Variants in PIP5K1B observed in about 807,000 individuals in gnomAD.
PIP5K1B encodes phosphatidylinositol-4-phosphate 5-kinase type 1 beta, also known as phosphatidylinositol 4-phosphate 5-kinase type-1 beta.
Under a neutral mutation model 67.0 loss-of-function variants are expected in PIP5K1B, and 42 were observed. The observed-to-expected ratio is 0.63, with a 90% confidence interval of 0.49 to 0.81. PIP5K1B has a LOEUF of 0.81. PIP5K1B is among the 30% of genes least tolerant of loss of function. The pLI, the probability that PIP5K1B is intolerant of heterozygous loss-of-function variation, is 0.00. For missense variants in PIP5K1B, 459 were observed against 646.3 expected (o/e 0.71, Z 3.14); for synonymous variants, 214 against 231.4 (o/e 0.92, Z 0.68).
intron 1 of PIP5K1B, among the ~76,000 whole-genome samples, chr9:68,734,031 A>C (rs1212351689): frequency 1.3e-5 from 2 of 152,180 alleles, no homozygotes; most frequent in Admixed American, 6.5e-5. Context: ...TTTGGGCTGA[A>C]ATTCTGGCTC....
At chr9:68,746,076 CTTT>C (rs11306038) in intron 2 of PIP5K1B, among the ~76,000 whole-genome samples, 22 of 107,084 alleles carry the variant, frequency 2.1e-4, no homozygotes, top group East Asian at 1.5e-3. Context: ...TGTGTTAACT[CTTT>C]TTTTTTTTTT....
chr9:68,957,324 C>T (rs1828454192), intron 14 of PIP5K1B, among the ~76,000 whole-genome samples: 1 of 152,108 alleles, frequency 6.6e-6, no homozygotes, highest in Non-Finnish European at 1.5e-5. Flanking sequence ...AGCATCCTCT[C>T]AGCAGCTCAT....
intron 1 of PIP5K1B, among the ~76,000 whole-genome samples, chr9:68,726,276 T>A (rs1828145798): frequency 6.6e-6 from 1 of 151,910 alleles, no homozygotes; most frequent in South Asian, 2.1e-4. Flanking sequence ...CCAATGAAAA[T>A]TACAAATTAA....
chr9:68,809,533 G>A (rs1833047871), intron 2 of PIP5K1B, among the ~76,000 whole-genome samples: 1 of 152,192 alleles, frequency 6.6e-6, no homozygotes, highest in Non-Finnish European at 1.5e-5. Context: ...GGAGCAATGA[G>A]GAAGTCTGTT....
At position 68,780,349 on chromosome 9, in the gene PIP5K1B, G is replaced by A. The variant is rs370945690; in HGVS notation, c.-86+37692G>A. ...GAGGCGCCGAGCGCCAGGCGGAACA[G>A]CACAACGTTCCCGAGCCGCCACGGC... On this transcript the variant is annotated intron_variant, in intron 2 of 15. Transcript: ENST00000265382. 12 of 1,611,754 alleles carry A rather than the reference G, an allele frequency of 7.4e-6. No homozygotes were observed. The highest frequency in any genetic ancestry group is 1.0e-5 in the Non-Finnish European group (12 of 1,179,126).
chr9:68,727,435 G>C (rs1257565882), intron 1 of PIP5K1B, among the ~76,000 whole-genome samples: 1 of 152,140 alleles, frequency 6.6e-6, no homozygotes, highest in African/African-American at 2.4e-5. Flanking sequence ...AAAACAATAT[G>C]AAGTAATTAT....
chr9:68,772,249 C>T (rs1385748520), intron 2 of PIP5K1B, among the ~76,000 whole-genome samples: 1 of 152,168 alleles, frequency 6.6e-6, no homozygotes, highest in Non-Finnish European at 1.5e-5. Flanking sequence ...GAAAGACACA[C>T]CTTAAGGAGC....
At chr9:68,755,530 A>G (rs1829883281) in intron 2 of PIP5K1B, among the ~76,000 whole-genome samples, 2 of 152,198 alleles carry the variant, frequency 1.3e-5, no homozygotes, top group Admixed American at 6.5e-5. Flanking sequence ...TCCTCCTTAA[A>G]ATGTGGAAAA....
chr9:68,924,277 C>T (rs201604049), intron 12 of PIP5K1B, among the ~76,000 whole-genome samples: 1 of 146,344 alleles, frequency 6.8e-6, no homozygotes, highest in Non-Finnish European at 1.5e-5. Context: ...TGGTATGCAC[C>T]TGTAATCCTA....
chr9:68,734,559 C>A lies in PIP5K1B; in HGVS notation c.-242-7942C>A, dbSNP rs1014303015. On this transcript the variant is annotated intron_variant, in intron 1 of 15. Coordinates refer to ENST00000265382, the MANE Select transcript of PIP5K1B (RefSeq NM_003558.4). ...ATGGGTCCAGAATGTATAAAATGGA[C>A]TGGATATAGAAGATCCTCCTCCTTT... is the stretch of plus-strand genomic sequence containing the variant. Among the ~76,000 whole-genome samples the A allele has an allele frequency of 4.6e-5, 7 of 152,194 alleles. No homozygotes were observed. The East Asian group carries it at 1.3e-3, about 29-fold the overall frequency.
At chr9:68,833,378 C>T (rs140737942) in intron 4 of PIP5K1B, among the ~76,000 whole-genome samples, 2 of 152,252 alleles carry the variant, frequency 1.3e-5, no homozygotes, top group East Asian at 1.9e-4. Context: ...CAGGAAGGAG[C>T]TTGGTGGATT....
At chr9:68,721,853 C>G (rs1462429717) in intron 1 of PIP5K1B, among the ~76,000 whole-genome samples, 1 of 151,916 alleles carries the variant, frequency 6.6e-6, no homozygotes, top group Non-Finnish European at 1.5e-5. Context: ...CAGAAGATCA[C>G]TTGTTGATCT....
chr9:68,929,743 C>T (rs991375331), intron 12 of PIP5K1B, among the ~76,000 whole-genome samples: 8 of 152,300 alleles, frequency 5.3e-5, no homozygotes, highest in African/African-American at 1.9e-4. Flanking sequence ...TATCTCAGCT[C>T]ACTGCAACCT....
intron 1 of PIP5K1B, among the ~76,000 whole-genome samples, chr9:68,741,141 A>G (rs952848413): frequency 4.6e-5 from 7 of 152,318 alleles, no homozygotes; most frequent in African/African-American, 1.7e-4. Context: ...CTGGAGTATT[A>G]GCTTCCTTTT....
intron 2 of PIP5K1B, chr9:68,783,580 T>C (rs1347796290): frequency 6.0e-6 from 1 of 166,928 alleles, no homozygotes; most frequent in African/African-American, 2.4e-5. Context: ...CATGTATATA[T>C]GTATATAAAT....
rs540290798 is a variant in PIP5K1B, at chr9:68,924,826, A to G, written c.1201+1440A>G. Among the ~76,000 whole-genome samples the G allele has an allele frequency of 2.0e-4, 30 of 152,126 alleles. No homozygotes were observed. The South Asian group carries it at 3.7e-3, about 19-fold the overall frequency. The stretch of plus-strand genomic sequence containing the variant: ...AATGAAAGTCAAACACTTGCAATGT[A>G]AACATTTTGGAAAATACAAGAAGAT... On this transcript the variant is annotated intron_variant, in intron 12 of 15. Transcript: ENST00000265382.
intron 1 of PIP5K1B, among the ~76,000 whole-genome samples, chr9:68,723,179 TGA>T (rs754438778): frequency 1.3e-4 from 15 of 116,716 alleles, no homozygotes; most frequent in Non-Finnish European, 1.8e-4. Context: ...TGTGTGTGTG[TGA>T]GAGAGAGAGA....
chr9:68,732,916 TGG>T lies in PIP5K1B; in HGVS notation c.-242-9576_-242-9575del, dbSNP rs34627705. On this transcript the variant is annotated intron_variant, in intron 1 of 15. Coordinates refer to ENST00000265382, the MANE Select transcript of PIP5K1B (RefSeq NM_003558.4). ...CGTTGCTGGTGATGTGGAGGTGGGT[TGG>T]GGGGGGGGCGGCGCGGTGGGAGATG... Among the ~76,000 whole-genome samples, 508 of 102,122 alleles carry T rather than the reference TGG, an allele frequency of 5.0e-3. 4 individuals are homozygous for T. Among genetic ancestry groups the T allele is most frequent in the African/African-American group, 0.012 (419 of 34,216 alleles). The allele number at this position is 102,122 out of a possible 152,430, so 67.0% of individuals were successfully genotyped here.
At chr9:69,008,390 G>A in intron 15 of PIP5K1B, 57 bp from the exon 16 acceptor site, 9 of 1,551,138 alleles carry the variant, frequency 5.8e-6, no homozygotes, top group Non-Finnish European at 3.6e-6. Context: ...CTCATGGGGA[G>A]AGGTTACAAA....
Sources: gnomAD v4.1 joint callset for allele counts (sites outside exome capture counted in the v4.1 genomes callset) on GRCh38, gnomAD v4.1.1 for gene constraint, MANE v1.5 for transcripts, NCBI Gene and HGNC (gene_info 2026-07-23, HGNC 2026-07-21) for gene names.